Variants in ACBD6 observed in about 807,000 individuals in gnomAD.
ACBD6 encodes acyl-CoA-binding domain-containing protein 6.
A neutral mutation model predicts 37.2 loss-of-function variants in ACBD6; 28 were observed. The observed-to-expected ratio is 0.75, with a 90% confidence interval of 0.56 to 1.03. The LOEUF (loss-of-function observed/expected upper bound fraction) is 1.03. Ranked by LOEUF, ACBD6 falls within the 50% of genes least tolerant of loss-of-function variation. The pLI, the probability that ACBD6 is intolerant of heterozygous loss-of-function variation, is 0.00. For synonymous variants in ACBD6, 113 were observed against 126.8 expected, an observed-to-expected ratio of 0.89 and a Z score of 0.73; for missense variants, 340 against 337.4, an observed-to-expected ratio of 1.01 and a Z score of -0.06.
chr1:180,317,706 C>T (rs953252624), intron 6 of ACBD6, among the ~76,000 whole-genome samples: 54 of 152,228 alleles, frequency 3.5e-4, no homozygotes, highest in African/African-American at 1.1e-3. Context: ...AATATTTTTT[C>T]TTGGTTAGGT....
At chr1:180,494,569 T>C (rs544733053) in intron 2 of ACBD6, among the ~76,000 whole-genome samples, 6 of 152,300 alleles carry the variant, frequency 3.9e-5, no homozygotes, top group African/African-American at 1.4e-4. Flanking sequence ...CTCCTAACAG[T>C]TGGGTAACAA....
chr1:180,333,997 T>C lies in ACBD6; in HGVS notation c.664-19275A>G, dbSNP rs556793759. On this transcript the variant is annotated intron_variant, in intron 6 of 7. Transcript: ENST00000367595. ...GCGCCTGCCATTGCCGAGGCTTGAG[T>C]AGGTAAACAAAGCGGCCAGGAAGCT... 9.9e-5 allele frequency among the ~76,000 whole-genome samples: 15 copies of C among 152,002 alleles called. No individual in the cohort carries two copies. The South Asian group carries it at 2.9e-3, about 30-fold the overall frequency.
intron 9 of ACBD6, among the ~76,000 whole-genome samples, chr1:180,280,465 AAC>A: frequency 6.6e-6 from 1 of 152,186 alleles, no homozygotes; most frequent in South Asian, 2.1e-4. Context: ...GTTGTGACTT[AAC>A]CTAAGTCCTA....
At chr1:180,483,849 T>C (rs901711771) in intron 3 of ACBD6, among the ~76,000 whole-genome samples, 1 of 152,178 alleles carries the variant, frequency 6.6e-6, no homozygotes, top group Non-Finnish European at 1.5e-5. Flanking sequence ...AGCTTTTGTA[T>C]AATAGGACTC....
intron 4 of ACBD6, among the ~76,000 whole-genome samples, chr1:180,422,425 C>T (rs1448675017): frequency 1.3e-5 from 2 of 152,074 alleles, no homozygotes; most frequent in Admixed American, 6.5e-5. Context: ...ACGCTGGTCT[C>T]GAACTCCTGA....
intron 5 of ACBD6, among the ~76,000 whole-genome samples, chr1:180,398,174 A>G (rs886092284): frequency 5.9e-5 from 9 of 152,194 alleles, no homozygotes; most frequent in Admixed American, 5.2e-4. Flanking sequence ...CAATCAGTTC[A>G]CTTACAGAGT....
At chr1:180,456,087 C>T (rs1649909128) in intron 3 of ACBD6, among the ~76,000 whole-genome samples, 1 of 151,844 alleles carries the variant, frequency 6.6e-6, no homozygotes, top group Non-Finnish European at 1.5e-5. Context: ...TGACACATGC[C>T]TATAGTCCCA....
chr1:180,427,727 T>C (rs1029145607), intron 4 of ACBD6, among the ~76,000 whole-genome samples: 1 of 151,998 alleles, frequency 6.6e-6, no homozygotes, highest in Non-Finnish European at 1.5e-5. Context: ...ATCGAGACCA[T>C]CCTGGCTAAT....
Position 180,303,722 on chromosome 1 carries a change from T to C in ACBD6, c.694+10970A>G, listed in dbSNP as rs553691007. Among the ~76,000 whole-genome samples, 63 of 150,596 alleles carry C rather than the reference T, an allele frequency of 4.2e-4. 1 individual carries two copies. The highest frequency in any genetic ancestry group is 2.5e-3 in the South Asian group (12 of 4,716). ...TTCCTTCTGAAACTATTCCAATCAA[T>C]AGAAAAAGATGGAATCCTCCCTAAC... On this transcript the variant is annotated intron_variant, in intron 7 of 7. Transcript: ENST00000367595.
At chr1:180,369,723 T>A (rs4652496) in intron 6 of ACBD6, among the ~76,000 whole-genome samples, 124,503 of 152,124 alleles carry the variant, frequency 0.82, 51,370 homozygotes, top group Non-Finnish European at 0.88. Context: ...GTAAGTCATG[T>A]CAACATGGGC....
At chr1:180,359,604 A>G (rs1313283988) in intron 6 of ACBD6, among the ~76,000 whole-genome samples, 1 of 152,250 alleles carries the variant, frequency 6.6e-6, no homozygotes, top group Non-Finnish European at 1.5e-5. Flanking sequence ...AAGCATTTAG[A>G]CATTTAGAAG....
chr1:180,470,189 G>A (rs1457153169), intron 3 of ACBD6, among the ~76,000 whole-genome samples: 4 of 151,976 alleles, frequency 2.6e-5, no homozygotes, highest in Admixed American at 2.6e-4. Context: ...TGAGACTAGT[G>A]TCACAAATAA....
chr1:180,478,299 A>G (rs936569704), intron 3 of ACBD6, among the ~76,000 whole-genome samples: 2 of 152,182 alleles, frequency 1.3e-5, no homozygotes, highest in Non-Finnish European at 2.9e-5. Flanking sequence ...AATACACAAA[A>G]TAAGCATAAT....
Position 180,288,295 on chromosome 1 carries a change from A to G in ACBD6, c.*68T>C. 6.2e-7 allele frequency: 1 copy of G among 1,602,960 alleles called. No individual in the cohort carries two copies. The highest frequency in any genetic ancestry group is 2.2e-5 in the East Asian group (1 of 44,798). On this transcript the variant is annotated 3_prime_UTR_variant, in exon 8 of 8. Coordinates refer to ENST00000367595, the MANE Select transcript of ACBD6 (RefSeq NM_032360.4). ...CAAAGACGGGTGGAAAAGAAGTATT[A>G]TTTTTGTAGTTTTCTTTCATAATGG...
At chr1:180,453,433 C>CCATTCAT in intron 3 of ACBD6, among the ~76,000 whole-genome samples, 1 of 152,160 alleles carries the variant, frequency 6.6e-6, no homozygotes, top group Middle Eastern at 3.2e-3. Context: ...AACCCACAGC[C>CCATTCAT]AATATCATAT....
chr1:180,333,739 A>C (rs1031647188), intron 6 of ACBD6, among the ~76,000 whole-genome samples: 2 of 152,206 alleles, frequency 1.3e-5, no homozygotes, highest in Non-Finnish European at 2.9e-5. Flanking sequence ...GGGAAGCGCA[A>C]GGGGTCAGGG....
At chr1:180,274,567 TC>T in intron 10 of ACBD6, 1 of 1,577,706 alleles carries the variant, frequency 6.3e-7, no homozygotes, top group Non-Finnish European at 8.6e-7. Flanking sequence ...AAATGGATCA[TC>T]CTCCTTTTTA....
chr1:180,415,808 CA>C (rs1370068361), intron 4 of ACBD6, among the ~76,000 whole-genome samples: 1 of 152,154 alleles, frequency 6.6e-6, no homozygotes, highest in Non-Finnish European at 1.5e-5. Context: ...AAACACAGTA[CA>C]AACACATATA....
intron 6 of ACBD6, among the ~76,000 whole-genome samples, chr1:180,323,054 C>T (rs1201953999): frequency 3.3e-5 from 5 of 151,704 alleles, no homozygotes; most frequent in Admixed American, 6.6e-5. Context: ...TGGTATATTT[C>T]GTTTTCACCA....
Sources: gnomAD v4.1 joint callset for allele counts (sites outside exome capture counted in the v4.1 genomes callset) on GRCh38, gnomAD v4.1.1 for gene constraint, MANE v1.5 for transcripts, NCBI Gene and HGNC (gene_info 2026-07-23, HGNC 2026-07-21) for gene names.